The following PTCD2 variants were observed in gnomAD, a reference collection of about 807,000 sequenced individuals.
The protein encoded by PTCD2 is pentatricopeptide repeat domain 2.
In PTCD2, 31 loss-of-function variants were observed where a neutral mutation model predicts 42.6. The ratio of observed to expected loss-of-function variants is 0.73; its 90% CI spans 0.55 to 0.98. The LOEUF (loss-of-function observed/expected upper bound fraction) is 0.98, where lower values mean the gene tolerates loss of function less well. Ranked by LOEUF, PTCD2 falls within the 50% of genes least tolerant of loss-of-function variation. The probability of loss-of-function intolerance (pLI) is 0.00; values close to 1 mark genes in which losing one functional copy is unlikely to be tolerated. For synonymous variants in PTCD2, 183 were observed against 170.9 expected (o/e 1.07, Z -0.55); for missense variants, 476 against 454.8 (o/e 1.05, Z -0.42).
chr5:72,327,196 CCT>C (rs1216337050), intron 3 of PTCD2, among the ~76,000 whole-genome samples: 7 of 152,214 alleles, frequency 4.6e-5, no homozygotes, highest in African/African-American at 1.7e-4. Flanking sequence ...CTCTAGCCTT[CCT>C]CTCTCTATCT....
chr5:72,365,232 A>T lies in PTCD2; in HGVS notation c.*6805A>T, dbSNP rs1024581255. 1 of 152,488 alleles carries T rather than the reference A, an allele frequency of 6.6e-6. No homozygotes were observed. The highest frequency in any genetic ancestry group is 1.9e-4 in the East Asian group (1 of 5,190). The allele number at this position is 152,488 out of a possible 1,614,324, so 9.4% of individuals were successfully genotyped here. A position where few individuals can be genotyped will look rare whatever the true frequency, so the allele number is the denominator to read the frequency against. ...GGGCCTCTGAGATGGCCTGCAAGGC[A>T]TCACGGTCTGTGAACTGGTCTGTGA... is the stretch of plus-strand genomic sequence containing the variant. On this transcript the variant is annotated 3_prime_UTR_variant, in exon 10 of 10. Coordinates refer to ENST00000380639, the MANE Select transcript of PTCD2 (RefSeq NM_024754.5).
intron 8 of PTCD2, among the ~76,000 whole-genome samples, chr5:72,344,221 A>C (rs1309262598): frequency 6.6e-6 from 1 of 152,154 alleles, no homozygotes; most frequent in Non-Finnish European, 1.5e-5. Context: ...ATTTAAAAGA[A>C]TATGAACTGT....
In PTCD2 at chr5:72,366,902, G is replaced by T. The variant is rs761429947; in HGVS notation, c.*8475G>T. ...ACTCAGTTTCTTATGAAAGAAAAAG[G>T]ATGGTCATTTGTCTCACTTGGGAAA... On this transcript the variant is annotated 3_prime_UTR_variant, in exon 10 of 10. Coordinates refer to ENST00000380639, the MANE Select transcript of PTCD2 (RefSeq NM_024754.5). 2.0e-5 allele frequency: 3 copies of T among 152,236 alleles called. No individual in the cohort carries two copies. Among genetic ancestry groups the T allele is most frequent in the Non-Finnish European group, 4.4e-5 (3 of 68,038 alleles). 9.4% of individuals were successfully genotyped at this position (152,236 alleles called of 1,614,324 possible).
At position 72,362,992 on chromosome 5, in the gene PTCD2, A is replaced by G. The variant is rs557791504; in HGVS notation, c.*4565A>G. On this transcript the variant is annotated 3_prime_UTR_variant, in exon 10 of 10. Coordinates refer to ENST00000380639, the MANE Select transcript of PTCD2 (RefSeq NM_024754.5). ...AAACTTTTAACTACTCATAATGAAT[A>G]TTGTTGGGATATTATAATGAGGAGG... 2.0e-5 allele frequency: 3 copies of G among 152,320 alleles called. No individual in the cohort carries two copies. The highest frequency in any genetic ancestry group is 1.3e-4 in the Admixed American group (2 of 15,300). 9.4% of individuals were successfully genotyped at this position (152,320 alleles called of 1,614,324 possible). A position where few individuals can be genotyped will look rare whatever the true frequency, so the allele number is the denominator to read the frequency against.
intron 9 of PTCD2, among the ~76,000 whole-genome samples, chr5:72,357,263 C>G (rs1233944111): frequency 6.6e-6 from 1 of 152,226 alleles, no homozygotes; most frequent in Non-Finnish European, 1.5e-5. Flanking sequence ...CACCCATCAT[C>G]AAGCTATTAA....
intron 3 of PTCD2, among the ~76,000 whole-genome samples, chr5:72,327,033 G>A (rs1751178708): frequency 1.3e-5 from 2 of 152,120 alleles, no homozygotes; most frequent in African/African-American, 2.4e-5. Flanking sequence ...AATTCATTAT[G>A]TACAAATTCA....
intron 3 of PTCD2, 150 bp downstream of exon 3, chr5:72,326,891 C>G: frequency 1.4e-6 from 1 of 713,388 alleles, no homozygotes; most frequent in Non-Finnish European, 2.3e-6. Flanking sequence ...ACTCCAGACA[C>G]CTACATTCAC....
In PTCD2 at chr5:72,332,449, C is replaced by A. The variant is rs186210014; in HGVS notation, c.468+1074C>A. Reference sequence around the variant, plus strand: ...AATACATAGATACTGGAAAGATAGACACTAAATCACTTTATCTTTAGGGGG... The same window carrying A: ...AATACATAGATACTGGAAAGATAGAAACTAAATCACTTTATCTTTAGGGGG... On this transcript the variant is annotated intron_variant, in intron 4 of 9. Transcript: ENST00000380639. Among the ~76,000 whole-genome samples, 38 of 152,192 alleles carry A rather than the reference C, an allele frequency of 2.5e-4. 1 individual carries two copies. The East Asian group carries it at 6.9e-3, about 28-fold the overall frequency.
At chr5:72,328,661 G>C (rs1369828537) in intron 3 of PTCD2, among the ~76,000 whole-genome samples, 1 of 151,794 alleles carries the variant, frequency 6.6e-6, no homozygotes, top group Non-Finnish European at 1.5e-5. Flanking sequence ...TGTTTTGGTA[G>C]ATTTTGCTTT....
chr5:72,337,387 A>C (rs1262128111), intron 6 of PTCD2, among the ~76,000 whole-genome samples: 1 of 152,050 alleles, frequency 6.6e-6, no homozygotes, highest in Non-Finnish European at 1.5e-5. Flanking sequence ...GGAGGCCAAA[A>C]AAAAAACACC....
Position 72,358,242 on chromosome 5 carries a change from C to T in PTCD2, c.982C>T (p.Leu328Phe). The change falls in exon 10 of 10, where the codon CTT (leucine) becomes TTT (phenylalanine). Residue 328 changes from leucine to phenylalanine, a missense_variant. Transcript: ENST00000380639. ...GGAAAAAGTGAAGGATGTGCCTGCC[C>T]TTGTGGCCAAATTTGATGAGATCTA... ...VREKVKDVPALVAKFDEIYGT... is the reference protein window; with the variant it reads ...VREKVKDVPAFVAKFDEIYGT... 6.2e-7 allele frequency: 1 copy of T among 1,614,088 alleles called. No individual in the cohort carries two copies. Among genetic ancestry groups the T allele is most frequent in the South Asian group, 1.1e-5 (1 of 91,074 alleles).
intron 3 of PTCD2, 29 bp from the exon 4 acceptor site, chr5:72,331,229 T>G (rs1297915652): frequency 4.3e-6 from 6 of 1,403,978 alleles, no homozygotes; most frequent in Non-Finnish European, 6.1e-6. Flanking sequence ...GTCCTACCTT[T>G]TGGCTCATTG....
chr5:72,327,461 C>G (rs938825823), intron 3 of PTCD2, among the ~76,000 whole-genome samples: 9 of 147,128 alleles, frequency 6.1e-5, no homozygotes, highest in African/African-American at 2.1e-4. Flanking sequence ...TTTTCCTTTT[C>G]TTTTTAAACT....
At chr5:72,331,161 T>C (rs1751421408) in intron 3 of PTCD2, 97 bp from the exon 4 acceptor site, 1 of 782,242 alleles carries the variant, frequency 1.3e-6, no homozygotes, top group African/African-American at 1.7e-5. Context: ...TCGTTCTCTG[T>C]TGTGTCCCAG....
rs199510060 is a variant in PTCD2, at chr5:72,320,499, C to T, written c.117C>T (p.Cys39=). The T allele has an allele frequency of 1.9e-6, 3 of 1,613,896 alleles. No individual in the cohort carries two copies. The highest frequency in any genetic ancestry group is 2.5e-6 in the Non-Finnish European group (3 of 1,180,026). The part of the protein sequence containing the change: ...VGGSGSVSCR[C]PLGAKRYLLT... Reference sequence around the variant, plus strand: ...GCTCCGGCTCTGTCAGCTGCCGCTGCCCTCTCGGAGGTATCCGCGGCTTTA... The same window carrying T: ...GCTCCGGCTCTGTCAGCTGCCGCTGTCCTCTCGGAGGTATCCGCGGCTTTA... Residue 39 remains cysteine (C), a synonymous_variant, in exon 1 of 10, where the codon TGC becomes TGT. Coordinates refer to ENST00000380639, the MANE Select transcript of PTCD2 (RefSeq NM_024754.5).
At position 72,360,926 on chromosome 5, in the gene PTCD2, A is replaced by G. The variant is rs1236970212; in HGVS notation, c.*2499A>G. The G allele has an allele frequency of 6.6e-6, 1 of 152,192 alleles. No individual in the cohort carries two copies. Among genetic ancestry groups the G allele is most frequent in the Admixed American group, 6.5e-5 (1 of 15,280 alleles). 9.4% of individuals were successfully genotyped at this position (152,192 alleles called of 1,614,324 possible). A position where few individuals can be genotyped will look rare whatever the true frequency, so the allele number is the denominator to read the frequency against. ...GGTCTCTAACTCTTATCCTCAAGTG[A>G]TCTGCCTGCCTTGGCCTCCCAAAGT... On this transcript the variant is annotated 3_prime_UTR_variant, in exon 10 of 10. Coordinates refer to ENST00000380639, the MANE Select transcript of PTCD2 (RefSeq NM_024754.5).
intron 7 of PTCD2, among the ~76,000 whole-genome samples, chr5:72,340,970 T>G (rs1446987665): frequency 5.3e-5 from 1 of 18,722 alleles, no homozygotes; most frequent in Non-Finnish European, 1.0e-4. Context: ...TTCTTTTCTG[T>G]TTTTTTTTTT....
At chr5:72,325,842 G>A (rs145290894) in intron 2 of PTCD2, among the ~76,000 whole-genome samples, 90 of 152,262 alleles carry the variant, frequency 5.9e-4, no homozygotes, top group African/African-American at 2.1e-3. Context: ...TTTTCACCCC[G>A]CATTTTGGTG....
At chr5:72,348,743 TA>T (rs1420190982) in intron 8 of PTCD2, among the ~76,000 whole-genome samples, 4 of 152,278 alleles carry the variant, frequency 2.6e-5, no homozygotes, top group Admixed American at 6.5e-5. Flanking sequence ...ATCATTTATG[TA>T]TAAAACTGGC....
Sources: allele counts gnomAD v4.1 joint callset (sites outside exome capture counted in the v4.1 genomes callset), GRCh38; gene constraint gnomAD v4.1.1; transcripts MANE v1.5; gene names NCBI Gene and HGNC (gene_info 2026-07-23, HGNC 2026-07-21).